Variants in ITPR2 observed in about 807,000 individuals in gnomAD.
The protein encoded by ITPR2 is inositol 1,4,5-trisphosphate receptor type 2, also known as inositol 1,4,5-trisphosphate-gated calcium channel ITPR2.
In ITPR2, 207 loss-of-function variants were observed where a neutral mutation model predicts 317.1. The observed-to-expected ratio is 0.65, with a 90% CI of 0.58 to 0.73. The LOEUF (loss-of-function observed/expected upper bound fraction) is 0.73, where lower values mean the gene tolerates loss of function less well. Ranked by LOEUF, ITPR2 falls within the 30% of genes least tolerant of loss-of-function variation. ITPR2 has a pLI of 0.00. For synonymous variants in ITPR2, 1,156 were observed against 1,149.1 expected, an observed-to-expected ratio of 1.01 and a Z score of -0.12; for missense variants, 2,613 against 3,284.0, an observed-to-expected ratio of 0.80 and a Z score of 4.99.
At chr12:26,547,050 T>C (rs1273092939) in intron 37 of ITPR2, among the ~76,000 whole-genome samples, 1 of 152,028 alleles carries the variant, frequency 6.6e-6, no homozygotes, top group Non-Finnish European at 1.5e-5. Flanking sequence ...AATAGACAAA[T>C]GGGACTATCT....
chr12:26,552,123 G>A (rs1406458046), intron 36 of ITPR2, among the ~76,000 whole-genome samples: 2 of 152,168 alleles, frequency 1.3e-5, no homozygotes, highest in Non-Finnish European at 2.9e-5. Context: ...GGAAGTGGAA[G>A]AGGAAGCAGG....
chr12:26,414,397 A>T (rs896304911), intron 51 of ITPR2, among the ~76,000 whole-genome samples: 1 of 152,128 alleles, frequency 6.6e-6, no homozygotes, highest in Admixed American at 6.5e-5. Flanking sequence ...TTTGCAAGGC[A>T]TCACTAATTA....
chr12:26,832,598 G>T, intron 1 of ITPR2, 92 bp downstream of exon 1: 1 of 937,970 alleles, frequency 1.1e-6, no homozygotes, highest in Non-Finnish European at 1.6e-6. Context: ...CACCACGCGC[G>T]GCAGCGGGAG....
At chr12:26,772,027 G>A (rs1433759298) in intron 2 of ITPR2, among the ~76,000 whole-genome samples, 1 of 152,070 alleles carries the variant, frequency 6.6e-6, no homozygotes, top group South Asian at 2.1e-4. Context: ...GTCACATTTA[G>A]TTGTCATTGA....
intron 34 of ITPR2, among the ~76,000 whole-genome samples, chr12:26,567,609 G>A (rs1164003200): frequency 6.6e-6 from 1 of 151,920 alleles, no homozygotes; most frequent in Non-Finnish European, 1.5e-5. Flanking sequence ...GATTTTTTGA[G>A]TCAAAATCAG....
intron 35 of ITPR2, among the ~76,000 whole-genome samples, chr12:26,557,140 A>G (rs1265411012): frequency 6.6e-6 from 1 of 152,212 alleles, no homozygotes; most frequent in African/African-American, 2.4e-5. Context: ...ATTTCATCCA[A>G]TGGGGAAAGT....
At chr12:26,577,920 C>G (rs1269784006) in intron 34 of ITPR2, among the ~76,000 whole-genome samples, 2 of 152,142 alleles carry the variant, frequency 1.3e-5, no homozygotes, top group Non-Finnish European at 2.9e-5. Flanking sequence ...TAATTTAAAA[C>G]CTATCTAAGG....
intron 30 of ITPR2, among the ~76,000 whole-genome samples, 169 bp downstream of exon 30, chr12:26,598,976 T>C (rs990450520): frequency 6.6e-6 from 1 of 152,166 alleles, no homozygotes; most frequent in Non-Finnish European, 1.5e-5. Flanking sequence ...CAACTTAAGA[T>C]ATGTTGCTTC....
At chr12:26,579,514 T>A (rs1235385993) in intron 33 of ITPR2, among the ~76,000 whole-genome samples, 2 of 152,152 alleles carry the variant, frequency 1.3e-5, no homozygotes, top group Non-Finnish European at 2.9e-5. Context: ...TCATGTTTAT[T>A]TTCTTGGTCA....
Position 26,338,962 on chromosome 12 carries a change from T to C in ITPR2, c.*435A>G, listed in dbSNP as rs1484008923. 1.3e-5 allele frequency: 2 copies of C among 153,484 alleles called. No homozygotes were observed. The highest frequency in any genetic ancestry group is 2.9e-5 in the Non-Finnish European group (2 of 68,926). 9.5% of individuals were successfully genotyped at this position (153,484 alleles called of 1,614,324 possible). A position where few individuals can be genotyped will look rare whatever the true frequency, so the allele number is the denominator to read the frequency against. The stretch of plus-strand genomic sequence containing the variant: ...TTAGTAAAACTTAGCCACCAAAGTA[T>C]GACTTCTTGTGTCACAAACCTATAT... On this transcript the variant is annotated 3_prime_UTR_variant, in exon 57 of 57. Transcript: ENST00000381340.
chr12:26,805,402 C>T (rs928686374), intron 1 of ITPR2, among the ~76,000 whole-genome samples: 3 of 152,148 alleles, frequency 2.0e-5, no homozygotes, highest in Non-Finnish European at 4.4e-5. Context: ...CACCTGACAC[C>T]AAGTACATAC....
intron 37 of ITPR2, among the ~76,000 whole-genome samples, chr12:26,507,536 G>A (rs1434812667): frequency 6.6e-6 from 1 of 152,154 alleles, no homozygotes; most frequent in African/African-American, 2.4e-5. Context: ...TTAATAACAT[G>A]CAAAGCACAT....
chr12:26,797,682 CTTTTTTTTT>C (rs71069269), intron 1 of ITPR2, among the ~76,000 whole-genome samples: 5 of 71,906 alleles, frequency 7.0e-5, no homozygotes, highest in African/African-American at 1.9e-4. Flanking sequence ...ATGGAATTGT[CTTTTTTTTT>C]TTTTTTTTTT....
chr12:26,819,822 T>C (rs979566329), intron 1 of ITPR2, among the ~76,000 whole-genome samples: 1 of 151,542 alleles, frequency 6.6e-6, no homozygotes, highest in South Asian at 2.1e-4. Flanking sequence ...ATCCCAGCAC[T>C]TTGGGAGGCC....
intron 39 of ITPR2, among the ~76,000 whole-genome samples, chr12:26,491,078 G>C (rs1476865148): frequency 6.6e-6 from 1 of 152,166 alleles, no homozygotes; most frequent in African/African-American, 2.4e-5. Flanking sequence ...GGAAGAACAA[G>C]GGAAAGTTGG....
chr12:26,567,997 TTATATATATTATATATATATATATA>T (rs1945045637), intron 34 of ITPR2, among the ~76,000 whole-genome samples: 1 of 4,804 alleles, frequency 2.1e-4, no homozygotes, highest in Non-Finnish European at 2.3e-3. Flanking sequence ...TATATATATA[TTATATATATTATATATATATATATA>T]TATATATATA....
intron 52 of ITPR2, among the ~76,000 whole-genome samples, chr12:26,402,461 C>T (rs1166576568): frequency 6.6e-6 from 1 of 152,216 alleles, no homozygotes; most frequent in Non-Finnish European, 1.5e-5. Flanking sequence ...TTCTACCTCT[C>T]TCCGAGAATT....
chr12:26,511,384 T>C (rs1188616681), intron 37 of ITPR2, among the ~76,000 whole-genome samples: 1 of 152,252 alleles, frequency 6.6e-6, no homozygotes, highest in Non-Finnish European at 1.5e-5. Context: ...TCTGGACTTC[T>C]CCTTCAGAGT....
chr12:26,491,928 T>A (rs1167984821), intron 39 of ITPR2, among the ~76,000 whole-genome samples: 1 of 152,166 alleles, frequency 6.6e-6, no homozygotes, highest in African/African-American at 2.4e-5. Flanking sequence ...GGAAGACAGC[T>A]GGATACATAG....
Sources: gnomAD v4.1 joint callset for allele counts (sites outside exome capture counted in the v4.1 genomes callset) on GRCh38, gnomAD v4.1.1 for gene constraint, MANE v1.5 for transcripts, NCBI Gene and HGNC (gene_info 2026-07-23, HGNC 2026-07-21) for gene names.